The following LRRC4C variants were observed in gnomAD, a reference collection of about 807,000 sequenced individuals.
The protein encoded by LRRC4C is leucine rich repeat containing 4C, also known as leucine-rich repeat-containing protein 4C.
In LRRC4C, 5 loss-of-function variants were observed where a neutral mutation model predicts 33.6. The observed-to-expected ratio is 0.15, with a 90% CI of 0.08 to 0.31. The LOEUF is 0.31. Among genes scored for constraint, LRRC4C ranks in the 10% least tolerant of loss-of-function variants. The probability of loss-of-function intolerance (pLI) is 1.00; values close to 1 mark genes in which losing one functional copy is unlikely to be tolerated. For missense variants in LRRC4C, 560 were observed against 796.7 expected (o/e 0.70, Z 3.58); for synonymous variants, 329 against 302.0 (o/e 1.09, Z -0.93).
intron 1 of LRRC4C, among the ~76,000 whole-genome samples, chr11:41,443,042 C>T (rs1256559614): frequency 1.4e-5 from 2 of 147,800 alleles, no homozygotes; most frequent in African/African-American, 2.6e-5. Context: ...GTCCAAGACC[C>T]CTTCTAGTTA....
At chr11:40,577,075 G>A (rs1051263736) in intron 3 of LRRC4C, among the ~76,000 whole-genome samples, 5 of 152,088 alleles carry the variant, frequency 3.3e-5, no homozygotes, top group African/African-American at 1.2e-4. Flanking sequence ...AAAACAGTAA[G>A]CTATTACAGA....
chr11:41,360,249 C>T lies in LRRC4C; in HGVS notation c.-496+99182G>A, dbSNP rs906899114. ...TTATCTAGGCATCTCCTCTCCATCC[C>T]GGACACCTCAAAGCTAGTTAGCATG... is the stretch of plus-strand genomic sequence containing the variant. On this transcript the variant is annotated intron_variant, in intron 1 of 6. Coordinates refer to ENST00000528697, the MANE Select transcript of LRRC4C (RefSeq NM_001258419.2). Among the ~76,000 whole-genome samples the T allele has an allele frequency of 7.9e-5, 12 of 152,202 alleles. No homozygotes were observed. In the East Asian group the frequency reaches 9.7e-4, roughly 12 times the overall value.
intron 1 of LRRC4C, among the ~76,000 whole-genome samples, chr11:41,012,055 A>C (rs1855240397): frequency 6.6e-6 from 1 of 151,774 alleles, no homozygotes; most frequent in Non-Finnish European, 1.5e-5. Context: ...ATCCATCATC[A>C]TAAATATTCA....
At chr11:41,239,691 T>C (rs1176319952) in intron 1 of LRRC4C, among the ~76,000 whole-genome samples, 1 of 152,148 alleles carries the variant, frequency 6.6e-6, no homozygotes, top group Non-Finnish European at 1.5e-5. Context: ...ATTTACTGAA[T>C]TTGTACTTTT....
chr11:41,142,346 T>G (rs1335419387), intron 1 of LRRC4C, among the ~76,000 whole-genome samples: 1 of 152,178 alleles, frequency 6.6e-6, no homozygotes, highest in East Asian at 1.9e-4. Flanking sequence ...TAGCATCACT[T>G]GAAAGTTCTG....
intron 3 of LRRC4C, among the ~76,000 whole-genome samples, chr11:40,374,526 G>A (rs1449835041): frequency 1.3e-5 from 2 of 152,134 alleles, no homozygotes; most frequent in Non-Finnish European, 2.9e-5. Flanking sequence ...GGTGAACAGA[G>A]CCAGTGTTAG....
intron 1 of LRRC4C, among the ~76,000 whole-genome samples, chr11:41,144,566 C>T (rs554839162): frequency 6.6e-6 from 1 of 152,226 alleles, no homozygotes; most frequent in South Asian, 2.1e-4. Context: ...TATATGCATT[C>T]AGATGCTTTA....
intron 1 of LRRC4C, among the ~76,000 whole-genome samples, chr11:41,094,358 T>C (rs1940662032): frequency 6.6e-6 from 1 of 151,206 alleles, no homozygotes; most frequent in African/African-American, 2.4e-5. Context: ...ACCCCGTCTC[T>C]ACTAAAAATA....
chr11:40,339,723 G>A (rs868536865), intron 3 of LRRC4C, among the ~76,000 whole-genome samples: 7 of 152,158 alleles, frequency 4.6e-5, no homozygotes, highest in African/African-American at 7.2e-5. Flanking sequence ...AATCATAACC[G>A]TAAAAAGGTT....
rs192475083 is a variant in LRRC4C at position 40,343,461 on chromosome 11, G to A, written c.-269-23740C>T. ...GTATACAGATTATTCAGTCACCCAT[G>A]TTATAAGCATAGTACCTGATGGGTA... On this transcript the variant is annotated intron_variant, in intron 3 of 6. Transcript: ENST00000528697. 1.6e-3 allele frequency among the ~76,000 whole-genome samples: 237 copies of A among 152,078 alleles called. 1 individual carries two copies. The highest frequency in any genetic ancestry group is 2.4e-3 in the Non-Finnish European group (165 of 67,958).
At chr11:41,345,006 T>C (rs1475772889) in intron 1 of LRRC4C, among the ~76,000 whole-genome samples, 2 of 152,178 alleles carry the variant, frequency 1.3e-5, no homozygotes, top group African/African-American at 2.4e-5. Flanking sequence ...TGGGGAACTA[T>C]TGACTATTAA....
chr11:41,250,587 T>A (rs1948607478), intron 1 of LRRC4C, among the ~76,000 whole-genome samples: 1 of 152,200 alleles, frequency 6.6e-6, no homozygotes, highest in Admixed American at 6.5e-5. Flanking sequence ...AGCCAAAAAT[T>A]ACTGGCTTGT....
At chr11:40,170,945 TA>T (rs1338737979) in intron 5 of LRRC4C, among the ~76,000 whole-genome samples, 5 of 152,344 alleles carry the variant, frequency 3.3e-5, no homozygotes, top group African/African-American at 1.2e-4. Flanking sequence ...TACCAGTGTT[TA>T]AGATGGGAAG....
chr11:40,180,196 T>C (rs1000943327), intron 5 of LRRC4C, among the ~76,000 whole-genome samples: 1 of 152,240 alleles, frequency 6.6e-6, no homozygotes. Flanking sequence ...AACATAATTA[T>C]CAAATCAGCT....
intron 3 of LRRC4C, among the ~76,000 whole-genome samples, chr11:40,477,640 A>G (rs887021858): frequency 6.6e-6 from 1 of 151,624 alleles, no homozygotes; most frequent in African/African-American, 2.4e-5. Context: ...CTACCACTTA[A>G]TTTTTTTCTT....
At chr11:40,951,405 G>A (rs1277202604) in intron 1 of LRRC4C, among the ~76,000 whole-genome samples, 10 of 149,240 alleles carry the variant, frequency 6.7e-5, no homozygotes, top group African/African-American at 2.2e-4. Flanking sequence ...CAAGTTGGGG[G>A]AAATAGGAGT....
chr11:40,882,816 A>G (rs1177124253), intron 2 of LRRC4C, among the ~76,000 whole-genome samples: 2 of 152,074 alleles, frequency 1.3e-5, no homozygotes, highest in Non-Finnish European at 2.9e-5. Context: ...AGTGAGAGTC[A>G]GGGCTACTGC....
chr11:40,896,690 T>C (rs1207327422), intron 2 of LRRC4C, among the ~76,000 whole-genome samples: 1 of 151,930 alleles, frequency 6.6e-6, no homozygotes, highest in Non-Finnish European at 1.5e-5. Context: ...ATGCTATATA[T>C]GTATATATTA....
chr11:41,055,901 C>A (rs1468629699), intron 1 of LRRC4C, among the ~76,000 whole-genome samples: 2 of 151,986 alleles, frequency 1.3e-5, no homozygotes, highest in African/African-American at 4.8e-5. Flanking sequence ...TCAACCCCTA[C>A]CTCAAATAGA....
Sources: gnomAD v4.1 joint callset for allele counts (sites outside exome capture counted in the v4.1 genomes callset) on GRCh38, gnomAD v4.1.1 for gene constraint, MANE v1.5 for transcripts, NCBI Gene and HGNC (gene_info 2026-07-23, HGNC 2026-07-21) for gene names.